DLGAP2: variants seen among roughly 807,000 people sequenced by gnomAD.
DLGAP2 encodes the protein DLG associated protein 2.
Under a neutral mutation model 100.3 loss-of-function variants are expected in DLGAP2, and 26 were observed. The observed-to-expected ratio is 0.26, with a 90% CI of 0.19 to 0.36. The LOEUF (loss-of-function observed/expected upper bound fraction) is 0.36. Ranked by LOEUF, DLGAP2 falls within the 10% of genes least tolerant of loss-of-function variation. The pLI, the probability that DLGAP2 is intolerant of heterozygous loss-of-function variation, is 1.00. For synonymous variants in DLGAP2, 886 were observed against 630.1 expected (o/e 1.41, Z -6.08); for missense variants, 1,858 against 1,453.2 (o/e 1.28, Z -4.53).
chr8:1,348,873 G>C (rs13438956), intron 3 of DLGAP2, among the ~76,000 whole-genome samples: 1 of 152,142 alleles, frequency 6.6e-6, no homozygotes. Context: ...TGTCCTGCTT[G>C]TGCCTTTGGA....
At position 1,706,956 on chromosome 8, in the gene DLGAP2, T is replaced by C. The variant is rs1799724941; in HGVS notation, c.*5550T>C. The C allele has an allele frequency of 6.6e-6, 1 of 152,630 alleles. No homozygotes were observed. The highest frequency in any genetic ancestry group is 1.9e-4 in the East Asian group (1 of 5,192). 9.5% of individuals were successfully genotyped at this position (152,630 alleles called of 1,614,324 possible). A position where few individuals can be genotyped will look rare whatever the true frequency, so the allele number is the denominator to read the frequency against. ...ACATTGAAAAATGTCCACAATTTTA[T>C]GAATTGCTGTCCTAACCCTGGCGTT... On this transcript the variant is annotated 3_prime_UTR_variant, in exon 15 of 15. Coordinates refer to ENST00000637795, the MANE Select transcript of DLGAP2 (RefSeq NM_001346810.2).
chr8:1,678,521 A>T lies in DLGAP2; in HGVS notation c.2596A>T (p.Arg866Trp). Residue 866 changes from arginine (R) to tryptophan (W), a missense_variant, in exon 12 of 15, where the codon AGG becomes TGG. Arg to Trp is a moderately radical substitution (Grantham distance 101, BLOSUM62 -3). Transcript: ENST00000637795. ...VETGRMSPCR[R>W]DGSWFLKLLH... ...GACTGGGAGGATGTCTCCGTGCCGCAGGGATGGCTCGTGGTTTTTGAAGCT... is the reference window on the plus strand; with the variant it reads ...GACTGGGAGGATGTCTCCGTGCCGCTGGGATGGCTCGTGGTTTTTGAAGCT... 1.2e-6 allele frequency: 2 copies of T among 1,606,976 alleles called. No homozygotes were observed. Among genetic ancestry groups the T allele is most frequent in the Non-Finnish European group, 8.5e-7 (1 of 1,176,700 alleles).
chr8:1,125,114 G>A (rs1484203153), intron 2 of DLGAP2, among the ~76,000 whole-genome samples: 2 of 152,108 alleles, frequency 1.3e-5, no homozygotes, highest in African/African-American at 2.4e-5. Flanking sequence ...TGGCAGACTC[G>A]GACCATTTTC....
chr8:747,395 C>T lies in DLGAP2; in HGVS notation c.18+9570C>T, dbSNP rs572085552. Among the ~76,000 whole-genome samples, 9 of 152,008 alleles carry T rather than the reference C, an allele frequency of 5.9e-5. No individual in the cohort carries two copies. The East Asian group carries it at 6.0e-4, about 10-fold the overall frequency. On this transcript the variant is annotated intron_variant, in intron 1 of 14. Coordinates refer to ENST00000637795, the MANE Select transcript of DLGAP2 (RefSeq NM_001346810.2). The stretch of plus-strand genomic sequence containing the variant: ...CCAGTCACGCGATGGGCTTCTCCGC[C>T]GGGCCTCGCTTAGGCATCTTTGGTC...
chr8:1,626,943 A>T, intron 7 of DLGAP2, 56 bp downstream of exon 7: 5 of 1,539,948 alleles, frequency 3.2e-6, no homozygotes, highest in Non-Finnish European at 4.4e-6. Flanking sequence ...CCAGGCTGGC[A>T]CGGAGGCCCC....
intron 4 of DLGAP2, among the ~76,000 whole-genome samples, chr8:1,537,922 A>T (rs564886204): frequency 3.9e-5 from 6 of 152,196 alleles, no homozygotes; most frequent in Non-Finnish European, 7.3e-5. Context: ...AGCTCTTACA[A>T]TGGGTCTTAA....
chr8:1,139,387 G>A (rs1278247911), intron 2 of DLGAP2, among the ~76,000 whole-genome samples: 1 of 152,248 alleles, frequency 6.6e-6, no homozygotes, highest in African/African-American at 2.4e-5. Context: ...TCTGCAGGCT[G>A]CAAGTCCGTG....
At chr8:1,367,489 G>A (rs1802134203) in intron 3 of DLGAP2, among the ~76,000 whole-genome samples, 1 of 152,220 alleles carries the variant, frequency 6.6e-6, no homozygotes, top group Admixed American at 6.5e-5. Flanking sequence ...CGTGCCTGTG[G>A]AGCAGGCGGA....
intron 3 of DLGAP2, among the ~76,000 whole-genome samples, chr8:1,318,777 A>AGC (rs1229965013): frequency 3.6e-5 from 2 of 56,158 alleles, no homozygotes; most frequent in South Asian, 6.8e-4. Flanking sequence ...GTCAGTGATC[A>AGC]GCCCCCCCCC....
At chr8:1,344,433 G>A (rs1009846214) in intron 3 of DLGAP2, among the ~76,000 whole-genome samples, 2 of 152,154 alleles carry the variant, frequency 1.3e-5, no homozygotes, top group Non-Finnish European at 2.9e-5. Context: ...AGATTAGGTG[G>A]CCATGTGGGT....
chr8:1,292,902 GT>G (rs1230980676), intron 3 of DLGAP2, among the ~76,000 whole-genome samples: 1 of 152,058 alleles, frequency 6.6e-6, no homozygotes, highest in African/African-American at 2.4e-5. Flanking sequence ...GTGGGTCAGG[GT>G]CCCCTCTGAG....
At chr8:1,075,865 A>C (rs1803588975) in intron 2 of DLGAP2, among the ~76,000 whole-genome samples, 1 of 151,988 alleles carries the variant, frequency 6.6e-6, no homozygotes, top group East Asian at 1.9e-4. Context: ...CCAGGAGTTC[A>C]AGACCAGCCT....
intron 3 of DLGAP2, among the ~76,000 whole-genome samples, chr8:1,344,363 G>A (rs1278019837): frequency 6.6e-6 from 1 of 152,192 alleles, no homozygotes; most frequent in Admixed American, 6.5e-5. Context: ...ACATGGCCGG[G>A]ACACAGCTGT....
At chr8:1,313,212 T>G (rs1286465655) in intron 3 of DLGAP2, among the ~76,000 whole-genome samples, 1 of 152,234 alleles carries the variant, frequency 6.6e-6, no homozygotes, top group Admixed American at 6.5e-5. Flanking sequence ...AAAAGTTGTC[T>G]GTAAAGAGGG....
chr8:1,665,274 G>A (rs1798515764), intron 8 of DLGAP2, among the ~76,000 whole-genome samples: 1 of 152,136 alleles, frequency 6.6e-6, no homozygotes, highest in Non-Finnish European at 1.5e-5. Flanking sequence ...TTGAACAGTG[G>A]CGACAGACCT....
intron 2 of DLGAP2, among the ~76,000 whole-genome samples, chr8:1,174,196 G>A (rs79309593): frequency 0.035 from 5,287 of 152,088 alleles, 140 homozygotes; most frequent in East Asian, 0.15. Flanking sequence ...AGGATTCTAA[G>A]GAAGAAGGAA....
chr8:1,376,997 C>T (rs1362817783), intron 3 of DLGAP2, among the ~76,000 whole-genome samples: 2 of 152,140 alleles, frequency 1.3e-5, no homozygotes, highest in Non-Finnish European at 2.9e-5. Context: ...CATCAGGGAC[C>T]ACATGCTTCA....
At chr8:1,606,658 A>G (rs1339806351) in intron 6 of DLGAP2, among the ~76,000 whole-genome samples, 2 of 152,142 alleles carry the variant, frequency 1.3e-5, no homozygotes, top group African/African-American at 4.8e-5. Flanking sequence ...TTTGGAGGCT[A>G]TTATGAATAA....
chr8:1,578,442 T>A (rs979741198), intron 6 of DLGAP2, among the ~76,000 whole-genome samples: 5 of 152,174 alleles, frequency 3.3e-5, no homozygotes, highest in African/African-American at 1.2e-4. Flanking sequence ...AGATGGAACG[T>A]GTCAGCAGTT....
Sources: gnomAD v4.1 joint callset for allele counts (sites outside exome capture counted in the v4.1 genomes callset) on GRCh38, gnomAD v4.1.1 for gene constraint, MANE v1.5 for transcripts, NCBI Gene and HGNC (gene_info 2026-07-23, HGNC 2026-07-21) for gene names.